MYORG: variants seen among roughly 807,000 people sequenced by gnomAD.
The protein encoded by MYORG is alpha-galactosidase MYORG.
Under a neutral mutation model 49.8 loss-of-function variants are expected in MYORG, and 45 were observed. That is an observed-to-expected ratio of 0.90 (90% CI 0.71 to 1.16). MYORG has a LOEUF of 1.16. Ranked by LOEUF, MYORG falls within the 50% of genes most tolerant of loss-of-function variation. The probability of loss-of-function intolerance (pLI) is 0.00; values close to 1 mark genes in which losing one functional copy is unlikely to be tolerated. For missense variants in MYORG, 1,110 were observed against 1,026.5 expected (o/e 1.08, Z -1.11); for synonymous variants, 552 against 462.9 (o/e 1.19, Z -2.47).
Position 34,370,807 on chromosome 9 carries a change from C to T in MYORG, c.2137G>A (p.Ala713Thr). The T allele has an allele frequency of 6.3e-7, 1 of 1,576,070 alleles. No individual in the cohort carries two copies. The highest frequency in any genetic ancestry group is 1.2e-5 in the South Asian group (1 of 86,050). Residue 713 changes from alanine (A) to threonine (T), a missense_variant, in exon 2 of 2, where the codon GCG becomes ACG. Coordinates refer to ENST00000297625, the MANE Select transcript of MYORG (RefSeq NM_020702.5). ...DLDEIAYFTW[A>T]S is the part of the protein sequence containing the mutation. ...CCGGGCCCTGGGCTGGGTCAGGACG[C>T]CCAGGTAAAGTAGGCGATCTCATCC...
intron 1 of MYORG, among the ~76,000 whole-genome samples, chr9:34,375,302 A>T (rs143071070): frequency 1.3e-5 from 2 of 152,244 alleles, no homozygotes; most frequent in African/African-American, 4.8e-5. Flanking sequence ...CACTTCCCAC[A>T]CGGTGCTAGC....
intron 1 of MYORG, among the ~76,000 whole-genome samples, chr9:34,375,387 C>CTT (rs1820703055): frequency 6.6e-6 from 1 of 152,206 alleles, no homozygotes; most frequent in Non-Finnish European, 1.5e-5. Flanking sequence ...GGAACAGACT[C>CTT]TTATTCCCTT....
Position 34,371,078 on chromosome 9 carries a change from C to G in MYORG, c.1866G>C (p.Leu622=). 1.2e-6 allele frequency: 2 copies of G among 1,610,472 alleles called. No homozygotes were observed. Among genetic ancestry groups the G allele is most frequent in the Non-Finnish European group, 1.7e-6 (2 of 1,177,982 alleles). The stretch of plus-strand genomic sequence containing the variant: ...CACCCGTGTCGGTGACCTCGCCCGC[C>G]AGCTCAAGCAACAGCGGTGCCACAA... ...ASLVAPLLLE[L]AGEVTDTGDP... Residue 622 remains leucine (L), a synonymous_variant, in exon 2 of 2, where the codon CTG becomes CTC. Coordinates refer to ENST00000297625, the MANE Select transcript of MYORG (RefSeq NM_020702.5).
Position 34,371,218 on chromosome 9 carries a change from G to A in MYORG, c.1726C>T (p.Arg576Cys), listed in dbSNP as rs373562456. The A allele has an allele frequency of 6.2e-7, 1 of 1,610,604 alleles. No homozygotes were observed. Among genetic ancestry groups the A allele is most frequent in the African/African-American group, 1.3e-5 (1 of 74,996 alleles). The change falls in exon 2 of 2, where the codon CGC (arginine) becomes TGC (cysteine). Residue 576 changes from arginine (R) to cysteine (C), a missense_variant. Transcript: ENST00000297625. Reference sequence around the variant, plus strand: ...ATAAAGGCGGCCACTTCCAGCCAGCGAATGTAGAGCTCGCGCTCGGGCACA... The same window carrying A: ...ATAAAGGCGGCCACTTCCAGCCAGCAAATGTAGAGCTCGCGCTCGGGCACA... ...GDVPERELYI[R>C]WLEVAAFMPA...
intron 1 of MYORG, among the ~76,000 whole-genome samples, chr9:34,375,120 G>C (rs1820700026): frequency 1.3e-5 from 2 of 152,134 alleles, no homozygotes; most frequent in African/African-American, 4.8e-5. Context: ...AAGAGAAGGA[G>C]ACTAGCAAAC....
In MYORG at chr9:34,372,409, C is replaced by T. The variant is rs201045436; in HGVS notation, c.535G>A (p.Gly179Ser). 2.1e-4 allele frequency: 329 copies of T among 1,584,244 alleles called. No individual in the cohort carries two copies. The highest frequency in any genetic ancestry group is 2.2e-4 in the Non-Finnish European group (262 of 1,166,410). ...GRAVEHAMFL[G>S]DAAAHWYGGA... ...CCATACCAGTGGGCCGCCGCGTCGC[C>T]CAAGAACATGGCGTGCTCCACGGCC... Residue 179 changes from glycine (G) to serine (S), a missense_variant, in exon 2 of 2, where the codon GGC becomes AGC. Gly to Ser is a moderately conservative substitution (Grantham distance 56). Coordinates refer to ENST00000297625, the MANE Select transcript of MYORG (RefSeq NM_020702.5).
At position 34,371,612 on chromosome 9, in the gene MYORG, G is replaced by T; in HGVS notation, c.1332C>A (p.Phe444Leu). 1 of 1,606,080 alleles carries T rather than the reference G, an allele frequency of 6.2e-7. No homozygotes were observed. The highest frequency in any genetic ancestry group is 8.5e-7 in the Non-Finnish European group (1 of 1,178,226). Residue 444 changes from phenylalanine to leucine, a missense_variant, in exon 2 of 2, where the codon TTC (phenylalanine) becomes TTA (leucine). Phe to Leu is a conservative substitution (Grantham distance 22). Coordinates refer to ENST00000297625, the MANE Select transcript of MYORG (RefSeq NM_020702.5). ...DFTHPKARDW[F>L]QGHLRRLRSR... ...AGCGCAGCCGCCGCAGGTGTCCCTG[G>T]AACCAGTCGCGGGCCTTTGGGTGCG...
Position 34,372,367 on chromosome 9 carries a change from T to G in MYORG, c.577A>C (p.Thr193Pro), listed in dbSNP as rs1341211195. The G allele has an allele frequency of 6.3e-7, 1 of 1,593,612 alleles. No individual in the cohort carries two copies. Among genetic ancestry groups the G allele is most frequent in the Middle Eastern group, 1.7e-4 (1 of 5,772 alleles). ...AHWYGGAEMR[T>P]QHWPIRLDGQ... ...TCCAGGCGGATGGGCCAGTGTTGCG[T>G]CCTCATCTCGGCGCCACCATACCAG... The change falls in exon 2 of 2, where the codon ACG becomes CCG. Residue 193 changes from threonine (T) to proline (P), a missense_variant. By Grantham distance (38) the Thr-to-Pro change is conservative (BLOSUM62 -1). Transcript: ENST00000297625.
Position 34,372,227 on chromosome 9 carries a change from G to A in MYORG, c.717C>T (p.Val239=). ...CCAGGTGGAAGGGCACTGAGTCATT[G>A]ACTTTGATGGCGGCCGCGCGCGAAG... The part of the protein sequence containing the change: ...WLSSRAAAIK[V]NDSVPFHLGW... The change falls in exon 2 of 2, where the codon GTC becomes GTT. Residue 239 remains valine, a synonymous_variant. Transcript: ENST00000297625. The A allele has an allele frequency of 6.2e-7, 1 of 1,611,760 alleles. No homozygotes were observed. Among genetic ancestry groups the A allele is most frequent in the Non-Finnish European group, 8.5e-7 (1 of 1,179,280 alleles).
At chr9:34,375,744 C>T (rs1395363449) in intron 1 of MYORG, among the ~76,000 whole-genome samples, 1 of 152,178 alleles carries the variant, frequency 6.6e-6, no homozygotes, top group African/African-American at 2.4e-5. Flanking sequence ...CCCTTTCCGA[C>T]AGTTATGTTT....
In MYORG at chr9:34,372,777, G is replaced by A. The variant is rs746848230; in HGVS notation, c.167C>T (p.Pro56Leu). The change falls in exon 2 of 2, where the codon CCG (proline) becomes CTG (leucine). Residue 56 changes from proline to leucine, a missense_variant. Physicochemically the swap from Pro to Leu is moderately conservative, Grantham distance 98. Transcript: ENST00000297625. ...CCCCAGAACCGCGGAGCCCAGCAGC[G>A]GCTTCAGGTCTTTGGAAGGCTTGGG... is the stretch of plus-strand genomic sequence containing the variant. Reference protein sequence around the residue: ...AKPKPSKDLKPLLGSAVLGLL... With the variant: ...AKPKPSKDLKLLLGSAVLGLL... 5.0e-6 allele frequency: 8 copies of A among 1,614,006 alleles called. No homozygotes were observed. Among genetic ancestry groups the A allele is most frequent in the Non-Finnish European group, 5.9e-6 (7 of 1,179,868 alleles).
intron 1 of MYORG, among the ~76,000 whole-genome samples, chr9:34,374,622 G>C (rs1040406389): frequency 1.3e-5 from 2 of 151,794 alleles, no homozygotes; most frequent in African/African-American, 4.8e-5. Flanking sequence ...GCCATGCACG[G>C]TGCTCATGCC....
rs1820698620 is a variant in MYORG, at chr9:34,375,029, G to T, written c.-64+1764C>A. ...AGGCTTCAGAGCAGAGTCCAACAAA[G>T]AAATAGCACCACCCAGGTGCACACA... On this transcript the variant is annotated intron_variant, in intron 1 of 1. Coordinates refer to ENST00000297625, the MANE Select transcript of MYORG (RefSeq NM_020702.5). 2.0e-5 allele frequency among the ~76,000 whole-genome samples: 3 copies of T among 151,990 alleles called. 1 individual carries two copies. The highest frequency in any genetic ancestry group is 2.0e-4 in the Admixed American group (3 of 15,252).
chr9:34,372,932 G>A lies in MYORG; in HGVS notation c.12C>T (p.Asn4=), dbSNP rs1342502999. The A allele has an allele frequency of 1.2e-6, 2 of 1,613,436 alleles. No individual in the cohort carries two copies. Among genetic ancestry groups the A allele is most frequent in the East Asian group, 2.2e-5 (1 of 44,874 alleles). ...GGTAGGCCTGGCTCTTCTCCTGAGG[G>A]TTCTGGAGCATTAGTGGGCTGCTAA... MLQ[N]PQEKSQAYPR... The change falls in exon 2 of 2, where the codon AAC becomes AAT. Residue 4 remains asparagine (N), a synonymous_variant. Transcript: ENST00000297625.
At chr9:34,374,836 A>G (rs1820694765) in intron 1 of MYORG, among the ~76,000 whole-genome samples, 2 of 150,486 alleles carry the variant, frequency 1.3e-5, no homozygotes, top group South Asian at 4.2e-4. Context: ...CAGGAGGTCA[A>G]GGCTGCAGTG....
In MYORG at chr9:34,372,180, G is replaced by A. The variant is rs779826228; in HGVS notation, c.764C>T (p.Ser255Leu). ...FHLGWNSTER[S>L]LRLQARYHDT... Reference sequence around the variant, plus strand: ...GTGGTAGCGCGCCTGAAGCCGCAGCGAGCGCTCCGTGCTGTTCCAGCCCAG... The same window carrying A: ...GTGGTAGCGCGCCTGAAGCCGCAGCAAGCGCTCCGTGCTGTTCCAGCCCAG... The change falls in exon 2 of 2, where the codon TCG (serine) becomes TTG (leucine). Residue 255 changes from serine (S) to leucine (L), a missense_variant. Transcript: ENST00000297625. The A allele has an allele frequency of 6.2e-7, 1 of 1,611,416 alleles. No homozygotes were observed. Among genetic ancestry groups the A allele is most frequent in the Non-Finnish European group, 8.5e-7 (1 of 1,179,242 alleles).
chr9:34,372,025 C>A lies in MYORG; in HGVS notation c.919G>T (p.Val307Leu), dbSNP rs762624115. The A allele has an allele frequency of 1.5e-5, 25 of 1,613,866 alleles. No homozygotes were observed. The highest frequency in any genetic ancestry group is 3.3e-4 in the Middle Eastern group (2 of 6,084). ...TCTCGGAAGGCCTCGGGTGCTGGCACCCTTGACGGCTTGTTGAAGTAGCGA... is the reference window on the plus strand; with the variant it reads ...TCTCGGAAGGCCTCGGGTGCTGGCAACCTTGACGGCTTGTTGAAGTAGCGA... ...VRRYFNKPSR[V>L]PAPEAFRDPI... is the part of the protein sequence containing the mutation. The change falls in exon 2 of 2, where the codon GTG (valine) becomes TTG (leucine). Residue 307 changes from valine to leucine, a missense_variant. Transcript: ENST00000297625.
Position 34,371,380 on chromosome 9 carries a change from C to G in MYORG, c.1564G>C (p.Asp522His). The stretch of plus-strand genomic sequence containing the variant: ...CCCAGGTCGTAGCCCCACACAGAGT[C>G]GCGATCCACCAGGCGGAAGAAGCAG... Reference protein sequence around the residue: ...ISCFFRLVDRDSVWGYDLGLR... With the variant: ...ISCFFRLVDRHSVWGYDLGLR... Residue 522 changes from aspartate (D) to histidine (H), a missense_variant, in exon 2 of 2, where the codon GAC (aspartate) becomes CAC (histidine). Coordinates refer to ENST00000297625, the MANE Select transcript of MYORG (RefSeq NM_020702.5). 6.2e-7 allele frequency: 1 copy of G among 1,613,176 alleles called. No homozygotes were observed. Among genetic ancestry groups the G allele is most frequent in the South Asian group, 1.1e-5 (1 of 91,012 alleles).
Position 34,372,789 on chromosome 9 carries a change from T to G in MYORG, c.155A>C (p.Lys52Thr). The G allele has an allele frequency of 6.2e-7, 1 of 1,613,992 alleles. No individual in the cohort carries two copies. Among genetic ancestry groups the G allele is most frequent in the Non-Finnish European group, 8.5e-7 (1 of 1,179,874 alleles). Residue 52 changes from lysine (K) to threonine (T), a missense_variant, in exon 2 of 2, where the codon AAA (lysine) becomes ACA (threonine). Coordinates refer to ENST00000297625, the MANE Select transcript of MYORG (RefSeq NM_020702.5). ...NFSPAKPKPS[K>T]DLKPLLGSAV... ...GGAGCCCAGCAGCGGCTTCAGGTCT[T>G]TGGAAGGCTTGGGCTTGGCAGGTGA...
Sources: allele counts gnomAD v4.1 joint callset (sites outside exome capture counted in the v4.1 genomes callset), GRCh38; gene constraint gnomAD v4.1.1; transcripts MANE v1.5; gene names NCBI Gene and HGNC (gene_info 2026-07-23, HGNC 2026-07-21).